The following PTGFRN variants were observed in gnomAD, a reference collection of about 807,000 sequenced individuals.
The protein encoded by PTGFRN is prostaglandin F2 receptor inhibitor, also known as prostaglandin F2 receptor negative regulator.
In PTGFRN, 35 loss-of-function variants were observed where a neutral mutation model predicts 83.2. That is an observed-to-expected ratio of 0.42 (90% CI 0.32 to 0.56). The LOEUF is 0.56. Among genes scored for constraint, PTGFRN ranks in the 20% least tolerant of loss-of-function variants. PTGFRN has a pLI of 0.11. For missense variants in PTGFRN, 1,051 were observed against 1,179.5 expected (o/e 0.89, Z 1.60); for synonymous variants, 519 against 498.6 (o/e 1.04, Z -0.55).
chr1:116,967,694 T>C (rs1650880212), intron 6 of PTGFRN, among the ~76,000 whole-genome samples: 1 of 152,242 alleles, frequency 6.6e-6, no homozygotes, highest in African/African-American at 2.4e-5. Context: ...GTGGCCTTTC[T>C]ATCTGGCTTC....
In PTGFRN at chr1:116,923,750, A is replaced by G. The variant is rs879870689; in HGVS notation, c.49+13498A>G. Among the ~76,000 whole-genome samples, 15 of 152,146 alleles carry G rather than the reference A, an allele frequency of 9.9e-5. No individual in the cohort carries two copies. The highest frequency in any genetic ancestry group is 2.1e-4 in the Non-Finnish European group (14 of 68,038). ...ATCACTGTTCTAGGGAGCAGCCCAC[A>G]CTGAGCCACATCTGAGCAAAGGGGC... On this transcript the variant is annotated intron_variant, in intron 1 of 8. Coordinates refer to ENST00000393203, the MANE Select transcript of PTGFRN (RefSeq NM_020440.4). The surrounding 1 kb of genome is among the most constrained non-coding windows in gnomAD (Gnocchi z 4.0).
Position 116,961,216 on chromosome 1 carries a change from A to T in PTGFRN, c.1214-27A>T. On this transcript the variant is annotated intron_variant, in intron 4 of 8. Coordinates refer to ENST00000393203, the MANE Select transcript of PTGFRN (RefSeq NM_020440.4). The surrounding 1 kb of genome is among the most constrained non-coding windows in gnomAD (Gnocchi z 5.4). ...GCCATGTTACTCTAATTATTTTCCT[A>T]TCCTGGCCTTTCTGTCTCTCGTTCA... is the stretch of plus-strand genomic sequence containing the variant. 1 of 1,502,560 alleles carries T rather than the reference A, an allele frequency of 6.7e-7. No individual in the cohort carries two copies. The highest frequency in any genetic ancestry group is 1.4e-5 in the South Asian group (1 of 69,556). 93.1% of individuals were successfully genotyped at this position (1,502,560 alleles called of 1,614,324 possible).
At chr1:116,925,779 A>C (rs1321358670) in intron 1 of PTGFRN, among the ~76,000 whole-genome samples, 11 of 152,160 alleles carry the variant, frequency 7.2e-5, no homozygotes, top group African/African-American at 2.4e-4. Flanking sequence ...ATCTTTATCG[A>C]CTCTGACGCT....
intron 1 of PTGFRN, among the ~76,000 whole-genome samples, chr1:116,913,024 TTTC>T (rs1373940559): frequency 6.6e-6 from 1 of 152,222 alleles, no homozygotes; most frequent in African/African-American, 2.4e-5. Context: ...CAATGTGGCA[TTTC>T]TTGAGTGGCC....
chr1:116,949,377 G>A lies in PTGFRN; in HGVS notation c.1018G>A (p.Val340Met). Reference sequence around the variant, plus strand: ...GGCGCGGCTTGACCGTGATTCCCTGGTGCACAGCTCGCCTCATGTTGCTTT... The same window carrying A: ...GGCGCGGCTTGACCGTGATTCCCTGATGCACAGCTCGCCTCATGTTGCTTT... Reference protein sequence around the residue: ...VLARLDRDSLVHSSPHVALSH... With the variant: ...VLARLDRDSLMHSSPHVALSH... The change falls in exon 4 of 9, where the codon GTG (valine) becomes ATG (methionine). Residue 340 changes from valine (V) to methionine (M), a missense_variant. Physicochemically the swap from Val to Met is conservative, Grantham distance 21. Coordinates refer to ENST00000393203, the MANE Select transcript of PTGFRN (RefSeq NM_020440.4). The A allele has an allele frequency of 6.2e-7, 1 of 1,614,248 alleles. No homozygotes were observed. Among genetic ancestry groups the A allele is most frequent in the Non-Finnish European group, 8.5e-7 (1 of 1,180,040 alleles).
At position 116,941,717 on chromosome 1, in the gene PTGFRN, C is replaced by T. The variant is rs1484958511; in HGVS notation, c.52C>T (p.Leu18Phe). The T allele has an allele frequency of 3.7e-6, 6 of 1,608,608 alleles. No homozygotes were observed. Among genetic ancestry groups the T allele is most frequent in the Non-Finnish European group, 5.1e-6 (6 of 1,176,924 alleles). Residue 18 changes from leucine (L) to phenylalanine (F), a missense_variant and splice_region_variant, in exon 2 of 9, where the codon CTT becomes TTT. Leu to Phe is a conservative substitution (Grantham distance 22, BLOSUM62 0). Around this residue, in one of 3 missense-constraint regions of PTGFRN, gnomAD observed 127 missense variants for 168.4 expected, o/e 0.75. Coordinates refer to ENST00000393203, the MANE Select transcript of PTGFRN (RefSeq NM_020440.4). This position sits in a 1 kb window ranked among gnomAD's most constrained non-coding sequence, Gnocchi z 5.0. The stretch of plus-strand genomic sequence containing the variant: ...CCTTTCATCTTTTATCATTGCAGCT[C>T]TTTGCCGAGGGCGTGTGGTGAGAGT... ...PLLLALLSLA[L>F]CRGRVVRVPT... is the part of the protein sequence containing the mutation.
intron 1 of PTGFRN, among the ~76,000 whole-genome samples, chr1:116,940,812 A>C (rs937755083): frequency 6.6e-6 from 1 of 152,226 alleles, no homozygotes; most frequent in African/African-American, 2.4e-5. Flanking sequence ...CAAAGGAGCT[A>C]TATGTGTTTA....
intron 1 of PTGFRN, among the ~76,000 whole-genome samples, chr1:116,915,539 A>G (rs1472395770): frequency 6.6e-6 from 1 of 152,248 alleles, no homozygotes; most frequent in African/African-American, 2.4e-5. Flanking sequence ...TGCCCTGGCT[A>G]TAATTATTCT....
rs145941033 is a variant in PTGFRN, at chr1:116,955,470, GAC to G, written c.1214-5761_1214-5760del. On this transcript the variant is annotated intron_variant, in intron 4 of 8. Transcript: ENST00000393203. ...CTATTCCAGACACCAGACACACACA[GAC>G]ACACACACACAAAAACACACACTTT... 3.9e-5 allele frequency among the ~76,000 whole-genome samples: 6 copies of G among 151,904 alleles called. 1 individual carries two copies. The highest frequency in any genetic ancestry group is 1.5e-4 in the African/African-American group (6 of 41,340).
chr1:116,976,805 A>G (rs1278974750), intron 7 of PTGFRN, among the ~76,000 whole-genome samples: 1 of 152,234 alleles, frequency 6.6e-6, no homozygotes, highest in Admixed American at 6.5e-5. Flanking sequence ...CTAGGAAGAA[A>G]CTATATCAAG....
rs948913814 is a variant in PTGFRN at position 116,910,070 on chromosome 1, G to C, written c.-134G>C. On this transcript the variant is annotated 5_prime_UTR_variant, in exon 1 of 9. Transcript: ENST00000393203. Reference sequence around the variant, plus strand: ...CCCCAGCGCTGGGATTTATCGGCTCGCGAGGAGAGCGGAGCAGGCGCGCGG... The same window carrying C: ...CCCCAGCGCTGGGATTTATCGGCTCCCGAGGAGAGCGGAGCAGGCGCGCGG... The C allele has an allele frequency of 1.2e-5, 12 of 979,190 alleles. No homozygotes were observed. In the East Asian group the frequency reaches 1.7e-4, roughly 14 times the overall value. 60.7% of individuals were successfully genotyped at this position (979,190 alleles called of 1,614,324 possible).
intron 4 of PTGFRN, among the ~76,000 whole-genome samples, chr1:116,955,164 G>T (rs918388604): frequency 5.9e-5 from 9 of 152,250 alleles, no homozygotes; most frequent in East Asian, 3.9e-4. Context: ...TTCTTTAGGG[G>T]AGGGTCACTC....
intron 7 of PTGFRN, among the ~76,000 whole-genome samples, chr1:116,980,708 G>T (rs554164319): frequency 3.7e-4 from 56 of 152,280 alleles, no homozygotes; most frequent in Non-Finnish European, 6.5e-4. Flanking sequence ...CCTGTCGTGG[G>T]GTCGGGTTAG....
At chr1:116,931,427 T>C (rs1275005252) in intron 1 of PTGFRN, among the ~76,000 whole-genome samples, 2 of 152,110 alleles carry the variant, frequency 1.3e-5, no homozygotes, top group African/African-American at 2.4e-5. Context: ...TCAGTAGCTG[T>C]GTGTTGAATG....
rs76349227 is a variant in PTGFRN, at chr1:116,918,278, T to C, written c.49+8026T>C. Among the ~76,000 whole-genome samples the C allele has an allele frequency of 0.016, 2,442 of 152,324 alleles. 59 individuals are homozygous for C. The highest frequency in any genetic ancestry group is 0.056 in the African/African-American group (2,324 of 41,550). ...ATCCTGTCTTCCCTCAGTGTGAACC[T>C]TGGACAGGTTTTCTAACCTCTTTGA... On this transcript the variant is annotated intron_variant, in intron 1 of 8. Coordinates refer to ENST00000393203, the MANE Select transcript of PTGFRN (RefSeq NM_020440.4). This position sits in a 1 kb window ranked among gnomAD's most constrained non-coding sequence, Gnocchi z 4.1.
chr1:116,966,779 C>G, intron 5 of PTGFRN, 132 bp from the exon 6 acceptor site: 1 of 956,420 alleles, frequency 1.0e-6, no homozygotes, highest in Non-Finnish European at 1.5e-6. Context: ...TTCTGAGTTT[C>G]CAGATTTTCG....
chr1:116,910,220 C>G lies in PTGFRN; in HGVS notation c.17C>G (p.Ser6Trp). 1.4e-6 allele frequency: 2 copies of G among 1,459,302 alleles called. No homozygotes were observed. Among genetic ancestry groups the G allele is most frequent in the Non-Finnish European group, 1.8e-6 (2 of 1,112,354 alleles). 90.4% of individuals were successfully genotyped at this position (1,459,302 alleles called of 1,614,324 possible). A position where few individuals can be genotyped will look rare whatever the true frequency, so the allele number is the denominator to read the frequency against. Residue 6 changes from serine (S) to tryptophan (W), a missense_variant, in exon 1 of 9, where the codon TCG (serine) becomes TGG (tryptophan). Physicochemically the swap from Ser to Trp is radical, Grantham distance 177. Transcript: ENST00000393203. ...CGGGCGAGCATGGGGCGCCTGGCCTCGAGGCCGCTGCTGCTGGCGCTCCTG... is the reference window on the plus strand; with the variant it reads ...CGGGCGAGCATGGGGCGCCTGGCCTGGAGGCCGCTGCTGCTGGCGCTCCTG... MGRLA[S>W]RPLLLALLSL...
chr1:116,971,983 C>G lies in PTGFRN; in HGVS notation c.2060-2233C>G, dbSNP rs192023794. Among the ~76,000 whole-genome samples, 370 of 152,136 alleles carry G rather than the reference C, an allele frequency of 2.4e-3. 1 individual carries two copies. The highest frequency in any genetic ancestry group is 4.2e-3 in the Non-Finnish European group (287 of 67,992). ...TGTGTATTACCATGAAATTTCTAATCTGAGAAAAATGTGACCCCCCTGCCC... is the reference window on the plus strand; with the variant it reads ...TGTGTATTACCATGAAATTTCTAATGTGAGAAAAATGTGACCCCCCTGCCC... On this transcript the variant is annotated intron_variant, in intron 6 of 8. Transcript: ENST00000393203.
chr1:116,985,026 T>G (rs1570683360), intron 8 of PTGFRN, 41 bp downstream of exon 8: 3 of 767,170 alleles, frequency 3.9e-6, no homozygotes, highest in East Asian at 7.4e-5. Context: ...TGGGAATGTC[T>G]TCTTCTTGTG....
Sources: allele counts gnomAD v4.1 joint callset (sites outside exome capture counted in the v4.1 genomes callset), GRCh38; gene constraint gnomAD v4.1.1; regional missense constraint gnomAD v4.1.1; non-coding constraint Gnocchi (gnomAD v3.1); transcripts MANE v1.5; gene names NCBI Gene and HGNC (gene_info 2026-07-23, HGNC 2026-07-21).